Variants in NAALADL2 observed in about 807,000 individuals in gnomAD.
NAALADL2 encodes inactive N-acetylated-alpha-linked acidic dipeptidase-like protein 2.
Under a neutral mutation model 87.2 loss-of-function variants are expected in NAALADL2, and 76 were observed. The ratio of observed to expected loss-of-function variants is 0.87; its 90% CI spans 0.72 to 1.05. The LOEUF is 1.05. Among genes scored for constraint, NAALADL2 ranks in the 50% least tolerant of loss-of-function variants. The pLI, the probability that NAALADL2 is intolerant of heterozygous loss-of-function variation, is 0.00. For synonymous variants in NAALADL2, 354 were observed against 331.0 expected, an observed-to-expected ratio of 1.07 and a Z score of -0.75; for missense variants, 1,089 against 945.8, an observed-to-expected ratio of 1.15 and a Z score of -1.99.
intron 1 of NAALADL2, among the ~76,000 whole-genome samples, chr3:175,028,369 G>A (rs1342216787): frequency 2.0e-5 from 3 of 151,886 alleles, no homozygotes; most frequent in African/African-American, 4.8e-5. Flanking sequence ...TAAATATATG[G>A]GTAAGGACAA....
chr3:174,600,423 T>C (rs1229648488), intron 2 of NAALADL2, among the ~76,000 whole-genome samples: 1 of 152,178 alleles, frequency 6.6e-6, no homozygotes, highest in East Asian at 1.9e-4. Context: ...TTTCAATATA[T>C]GGCTATATGG....
intron 1 of NAALADL2, among the ~76,000 whole-genome samples, chr3:175,019,656 T>C (rs1489939429): frequency 1.3e-5 from 2 of 152,016 alleles, no homozygotes; most frequent in African/African-American, 4.8e-5. Flanking sequence ...ATTTTCAGCT[T>C]CTTTCCTCCT....
chr3:175,177,230 C>T (rs1488102560), intron 2 of NAALADL2, among the ~76,000 whole-genome samples: 1 of 152,068 alleles, frequency 6.6e-6, no homozygotes, highest in East Asian at 1.9e-4. Flanking sequence ...ATACCTGTCC[C>T]CTACCCCATC....
intron 9 of NAALADL2, among the ~76,000 whole-genome samples, chr3:175,495,224 G>A (rs11706119): frequency 0.072 from 10,979 of 151,712 alleles, 436 homozygotes; most frequent in Middle Eastern, 0.096. Flanking sequence ...TCCTACCTGT[G>A]ATTATTAATT....
At chr3:174,452,237 C>T (rs969890914) in intron 1 of NAALADL2, among the ~76,000 whole-genome samples, 2 of 152,114 alleles carry the variant, frequency 1.3e-5, no homozygotes, top group African/African-American at 2.4e-5. Flanking sequence ...GTAAACTGTG[C>T]TAGGGCATGT....
intron 1 of NAALADL2, among the ~76,000 whole-genome samples, chr3:175,037,316 G>C (rs1753538841): frequency 6.6e-6 from 1 of 152,118 alleles, no homozygotes; most frequent in Admixed American, 6.6e-5. Context: ...CACTCTGCTA[G>C]CCTACAGCTG....
chr3:175,438,913 C>A (rs1384940606), intron 5 of NAALADL2, among the ~76,000 whole-genome samples: 7 of 151,872 alleles, frequency 4.6e-5, no homozygotes, highest in East Asian at 1.9e-4. Context: ...ATGAATAAGT[C>A]CTTTAGTGGT....
intron 8 of NAALADL2, among the ~76,000 whole-genome samples, chr3:175,470,061 T>C (rs867909225): frequency 3.5e-4 from 53 of 152,138 alleles, no homozygotes; most frequent in African/African-American, 1.2e-3. Context: ...ATGCAGTATT[T>C]ATGTTTCTGT....
intron 1 of NAALADL2, among the ~76,000 whole-genome samples, chr3:174,862,345 C>G (rs1347681958): frequency 2.0e-5 from 3 of 151,904 alleles, no homozygotes; most frequent in African/African-American, 7.3e-5. Context: ...GGTGACAGCT[C>G]CCTTCCTGGA....
intron 5 of NAALADL2, among the ~76,000 whole-genome samples, chr3:175,358,914 C>A (rs947788979): frequency 5.9e-5 from 9 of 151,996 alleles, no homozygotes; most frequent in African/African-American, 2.2e-4. Context: ...AGAATTAGCC[C>A]CACAGCTGTC....
At chr3:174,623,741 C>T (rs546246903) in intron 2 of NAALADL2, among the ~76,000 whole-genome samples, 1 of 152,078 alleles carries the variant, frequency 6.6e-6, no homozygotes, top group Admixed American at 6.5e-5. Context: ...GCTCTGATTT[C>T]TAAGTGTATA....
intron 3 of NAALADL2, among the ~76,000 whole-genome samples, chr3:174,849,420 A>G (rs1311389832): frequency 6.6e-6 from 1 of 152,064 alleles, no homozygotes; most frequent in Non-Finnish European, 1.5e-5. Flanking sequence ...ATGCTTTCTT[A>G]AAATTTTCAA....
Position 175,097,125 on chromosome 3 carries a change from A to G in NAALADL2, c.379A>G (p.Lys127Glu). The G allele has an allele frequency of 6.2e-7, 1 of 1,613,824 alleles. No individual in the cohort carries two copies. The highest frequency in any genetic ancestry group is 1.6e-4 in the Middle Eastern group (1 of 6,062). ...TCGCTGCAACTTTTGCCACGTCTTAAAAATACTTTGCACAGCCACCATTTT... is the reference window on the plus strand; with the variant it reads ...TCGCTGCAACTTTTGCCACGTCTTAGAAATACTTTGCACAGCCACCATTTT... Reference protein sequence around the residue: ...SNRCNFCHVLKILCTATILFI... With the variant: ...SNRCNFCHVLEILCTATILFI... Residue 127 changes from lysine (K) to glutamate (E), a missense_variant, in exon 2 of 14, where the codon AAA becomes GAA. Physicochemically the swap from Lys to Glu is moderately conservative, Grantham distance 56. Transcript: ENST00000454872.
rs201719664 is a variant in NAALADL2, at chr3:174,710,340, TG to T, written c.-114-27300del. Among the ~76,000 whole-genome samples, 350 of 151,520 alleles carry T rather than the reference TG, an allele frequency of 2.3e-3. 3 individuals are homozygous for T. The highest frequency in any genetic ancestry group is 0.021 in the East Asian group (107 of 5,108). On this transcript the variant is annotated intron_variant, in intron 2 of 3. Coordinates refer to the NAALADL2 transcript ENST00000434257. ...CGCGATCTCGGCTCACTGCAAGCTCTGCCTCCCAGGTTCATGCCATTCTCCT... is the reference window on the plus strand; with the variant it reads ...CGCGATCTCGGCTCACTGCAAGCTCTCCTCCCAGGTTCATGCCATTCTCCT...
chr3:174,946,648 TAA>T (rs1739471392), intron 1 of NAALADL2, among the ~76,000 whole-genome samples: 1 of 151,742 alleles, frequency 6.6e-6, no homozygotes, highest in Admixed American at 6.6e-5. Flanking sequence ...CACAAAATAA[TAA>T]AGAGTGAAGG....
At chr3:174,914,794 GACAAA>G (rs534740930) in intron 1 of NAALADL2, among the ~76,000 whole-genome samples, 132 of 152,260 alleles carry the variant, frequency 8.7e-4, no homozygotes, top group Middle Eastern at 6.8e-3. Flanking sequence ...GGAGTTTGGA[GACAAA>G]ACAAATTTGA....
At chr3:175,047,731 T>C (rs1271865025) in intron 1 of NAALADL2, among the ~76,000 whole-genome samples, 5 of 152,184 alleles carry the variant, frequency 3.3e-5, no homozygotes, top group Non-Finnish European at 5.9e-5. Flanking sequence ...GATCAAAGAA[T>C]AAAATTAGCT....
intron 9 of NAALADL2, among the ~76,000 whole-genome samples, chr3:175,494,721 T>C (rs1287185782): frequency 2.0e-5 from 3 of 152,142 alleles, no homozygotes; most frequent in Non-Finnish European, 4.4e-5. Context: ...TTAAATACTA[T>C]GGACCTATCG....
At chr3:175,497,127 G>T (rs1303587039) in intron 9 of NAALADL2, among the ~76,000 whole-genome samples, 1 of 152,026 alleles carries the variant, frequency 6.6e-6, no homozygotes, top group African/African-American at 2.4e-5. Flanking sequence ...AGGCTGGAGT[G>T]CAGTGACATG....
Sources: allele counts gnomAD v4.1 joint callset (sites outside exome capture counted in the v4.1 genomes callset), GRCh38; gene constraint gnomAD v4.1.1; transcripts MANE v1.5; gene names NCBI Gene and HGNC (gene_info 2026-07-23, HGNC 2026-07-21).